Variants in ADGRL3 observed in about 807,000 individuals in gnomAD.
ADGRL3 encodes the protein adhesion G protein-coupled receptor L3.
A neutral mutation model predicts 153.5 loss-of-function variants in ADGRL3; 62 were observed. The ratio of observed to expected loss-of-function variants is 0.40; its 90% CI spans 0.33 to 0.50. The LOEUF is 0.50. Ranked by LOEUF, ADGRL3 falls within the 20% of genes least tolerant of loss-of-function variation. The pLI, the probability that ADGRL3 is intolerant of heterozygous loss-of-function variation, is 0.47. For synonymous variants in ADGRL3, 710 were observed against 672.5 expected, an observed-to-expected ratio of 1.06 and a Z score of -0.86; for missense variants, 1,641 against 1,859.4, an observed-to-expected ratio of 0.88 and a Z score of 2.16.
At chr4:61,779,081 G>A (rs554256788) in intron 8 of ADGRL3, among the ~76,000 whole-genome samples, 2 of 151,882 alleles carry the variant, frequency 1.3e-5, no homozygotes, top group Admixed American at 6.6e-5. Flanking sequence ...ATCACTTGTA[G>A]AGGAAATATT....
At chr4:61,335,589 G>T (rs1242917405) in intron 1 of ADGRL3, among the ~76,000 whole-genome samples, 1 of 152,076 alleles carries the variant, frequency 6.6e-6, no homozygotes. Context: ...TTTACTTAGA[G>T]CAATTTAGCC....
intron 2 of ADGRL3, among the ~76,000 whole-genome samples, chr4:61,417,313 C>A (rs1302717944): frequency 6.6e-6 from 1 of 151,914 alleles, no homozygotes; most frequent in Non-Finnish European, 1.5e-5. Flanking sequence ...CATAGTGAGA[C>A]CCCCATCTCT....
At chr4:61,203,859 A>G (rs897609596) in intron 1 of ADGRL3, among the ~76,000 whole-genome samples, 1 of 152,048 alleles carries the variant, frequency 6.6e-6, no homozygotes, top group Non-Finnish European at 1.5e-5. Flanking sequence ...TAATTTGTAT[A>G]GGAGTTAAGA....
In ADGRL3 at chr4:61,456,181, A is replaced by G. The variant is rs190285472; in HGVS notation, c.-173-40940A>G. Among the ~76,000 whole-genome samples the G allele has an allele frequency of 2.8e-3, 424 of 151,712 alleles. 1 individual carries two copies. Among genetic ancestry groups the G allele is most frequent in the African/African-American group, 9.8e-3 (407 of 41,402 alleles). On this transcript the variant is annotated intron_variant, in intron 2 of 26. Coordinates refer to ENST00000683033, the MANE Select transcript of ADGRL3 (RefSeq NM_001387552.1). ...AAATTATGAAGCCTATTACTTTAAAATGAGATGTAAAGCATCTTTGATCAA... is the reference window on the plus strand; with the variant it reads ...AAATTATGAAGCCTATTACTTTAAAGTGAGATGTAAAGCATCTTTGATCAA...
intron 3 of ADGRL3, among the ~76,000 whole-genome samples, chr4:61,512,480 C>A (rs746672550): frequency 2.6e-5 from 4 of 151,858 alleles, no homozygotes; most frequent in Non-Finnish European, 2.9e-5. Context: ...TTTTATAGAT[C>A]TATGATTTAA....
intron 11 of ADGRL3, among the ~76,000 whole-genome samples, chr4:61,906,760 G>A (rs2098697779): frequency 6.6e-6 from 1 of 150,874 alleles, no homozygotes; most frequent in Admixed American, 6.6e-5. Context: ...CTACATACAT[G>A]AGAATATGAC....
chr4:61,875,050 C>T (rs1581249572), intron 9 of ADGRL3, among the ~76,000 whole-genome samples: 2 of 151,796 alleles, frequency 1.3e-5, no homozygotes. Flanking sequence ...CCTCATGATC[C>T]ACCCGCCTCG....
chr4:61,951,452 A>G (rs1238168116), intron 17 of ADGRL3, among the ~76,000 whole-genome samples: 2 of 152,164 alleles, frequency 1.3e-5, no homozygotes, highest in Admixed American at 1.3e-4. Flanking sequence ...CTGTGATTCC[A>G]TGGGCAACTA....
At chr4:61,828,156 C>T (rs532641831) in intron 9 of ADGRL3, among the ~76,000 whole-genome samples, 1 of 152,156 alleles carries the variant, frequency 6.6e-6, no homozygotes, top group Non-Finnish European at 1.5e-5. Context: ...CCTCTGGTCA[C>T]CAAATGGTCC....
At chr4:61,411,716 A>G (rs1466202238) in intron 2 of ADGRL3, among the ~76,000 whole-genome samples, 1 of 152,164 alleles carries the variant, frequency 6.6e-6, no homozygotes, top group Non-Finnish European at 1.5e-5. Context: ...TCCACATTCA[A>G]GATCTGTCAT....
At chr4:61,850,099 GAC>G (rs1342494937) in intron 9 of ADGRL3, among the ~76,000 whole-genome samples, 1 of 152,034 alleles carries the variant, frequency 6.6e-6, no homozygotes, top group African/African-American at 2.4e-5. Context: ...TACAGGTCTT[GAC>G]ACAAACAGTG....
chr4:61,780,626 A>G (rs2097203276), intron 8 of ADGRL3, among the ~76,000 whole-genome samples: 1 of 152,206 alleles, frequency 6.6e-6, no homozygotes. Flanking sequence ...ATAGTCTATA[A>G]CACATGATGG....
chr4:61,399,904 C>T (rs961403187), intron 2 of ADGRL3, among the ~76,000 whole-genome samples: 1 of 151,674 alleles, frequency 6.6e-6, no homozygotes, highest in Non-Finnish European at 1.5e-5. Flanking sequence ...ATAATTTCTA[C>T]GTTTAAAATG....
At chr4:61,756,273 A>T (rs1031540466) in intron 8 of ADGRL3, among the ~76,000 whole-genome samples, 1 of 151,894 alleles carries the variant, frequency 6.6e-6, no homozygotes, top group Admixed American at 6.6e-5. Context: ...CTTCCATTTG[A>T]TTGTATTCTC....
chr4:61,997,796 T>A (rs1338909572), intron 20 of ADGRL3, among the ~76,000 whole-genome samples: 1 of 152,196 alleles, frequency 6.6e-6, no homozygotes, highest in African/African-American at 2.4e-5. Context: ...TGAAAATGTG[T>A]CACTAAATAA....
At chr4:61,287,606 A>G (rs111617004) in intron 1 of ADGRL3, among the ~76,000 whole-genome samples, 142 of 152,126 alleles carry the variant, frequency 9.3e-4, no homozygotes, top group African/African-American at 3.2e-3. Flanking sequence ...TCAAGGGCAT[A>G]GAAATGTAAA....
At chr4:61,208,874 C>T (rs1738534555) in intron 1 of ADGRL3, among the ~76,000 whole-genome samples, 1 of 152,052 alleles carries the variant, frequency 6.6e-6, no homozygotes, top group African/African-American at 2.4e-5. Context: ...AAGCCATTTT[C>T]AGTGCAAAGG....
chr4:61,374,418 CT>C (rs930957415), intron 1 of ADGRL3, among the ~76,000 whole-genome samples: 12 of 150,618 alleles, frequency 8.0e-5, no homozygotes, highest in Non-Finnish European at 1.5e-4. Flanking sequence ...TGCAGTGTGC[CT>C]TTTTTTTTCA....
chr4:61,383,994 T>A (rs559262794), intron 2 of ADGRL3, among the ~76,000 whole-genome samples: 1 of 151,986 alleles, frequency 6.6e-6, no homozygotes, highest in South Asian at 2.1e-4. Context: ...AACTTTCTTA[T>A]TGGTCTTCAT....
Sources: gnomAD v4.1 joint callset for allele counts (sites outside exome capture counted in the v4.1 genomes callset) on GRCh38, gnomAD v4.1.1 for gene constraint, MANE v1.5 for transcripts, NCBI Gene and HGNC (gene_info 2026-07-23, HGNC 2026-07-21) for gene names.